The following UMODL1 variants were observed in gnomAD, a reference collection of about 807,000 sequenced individuals.
The protein encoded by UMODL1 is uromodulin-like 1.
UMODL1 carries 128 observed loss-of-function variants against 136.3 expected under a neutral mutation model. The ratio of observed to expected loss-of-function variants is 0.94; its 90% CI spans 0.81 to 1.09. UMODL1 has a LOEUF of 1.09. Ranked by LOEUF, UMODL1 falls within the 50% of genes least tolerant of loss-of-function variation. The probability of loss-of-function intolerance (pLI) is 0.00; values close to 1 mark genes in which losing one functional copy is unlikely to be tolerated. For synonymous variants in UMODL1, 721 were observed against 720.0 expected (o/e 1.00, Z -0.02); for missense variants, 1,766 against 1,725.6 (o/e 1.02, Z -0.41).
At chr21:42,088,594 A>G (rs79356221) in intron 5 of UMODL1, 114 bp downstream of exon 5, 4 of 1,117,828 alleles carry the variant, frequency 3.6e-6, no homozygotes, top group Non-Finnish European at 5.0e-6. Context: ...AAGGAGGTTT[A>G]AGTTCAGGAG....
chr21:42,129,512 G>C (rs1436863802), intron 20 of UMODL1, among the ~76,000 whole-genome samples: 1 of 152,098 alleles, frequency 6.6e-6, no homozygotes, highest in Non-Finnish European at 1.5e-5. Flanking sequence ...TGACGCCTGG[G>C]CCTGCCTCTT....
At chr21:42,114,075 C>T (rs943776644) in intron 13 of UMODL1, among the ~76,000 whole-genome samples, 2 of 152,250 alleles carry the variant, frequency 1.3e-5, no homozygotes, top group East Asian at 1.9e-4. Context: ...CCATAGACTG[C>T]GCCTGGAAGG....
chr21:42,131,761 A>C (rs993702691), intron 21 of UMODL1, among the ~76,000 whole-genome samples: 1 of 151,974 alleles, frequency 6.6e-6, no homozygotes, highest in African/African-American at 2.4e-5. Flanking sequence ...TACACACAGA[A>C]TCTCTAGAGT....
At chr21:42,096,514 C>G (rs767744595) in intron 6 of UMODL1, among the ~76,000 whole-genome samples, 1 of 152,222 alleles carries the variant, frequency 6.6e-6, no homozygotes, top group African/African-American at 2.4e-5. Flanking sequence ...CCTCTGCGTT[C>G]TTTTCAAATA....
intron 14 of UMODL1, 100 bp downstream of exon 14, chr21:42,116,085 A>T: frequency 1.1e-6 from 1 of 921,334 alleles, no homozygotes. Flanking sequence ...CTGTAATCCT[A>T]GCACTTTGGG....
At chr21:42,076,361 C>G in intron 2 of UMODL1, 114 bp downstream of exon 2, 1 of 1,507,130 alleles carries the variant, frequency 6.6e-7, no homozygotes, top group South Asian at 1.2e-5. Context: ...TCCAGGAGCA[C>G]GGCTCCCAGC....
chr21:42,085,218 T>G lies in UMODL1; in HGVS notation c.482-73T>G. On this transcript the variant is annotated intron_variant, in intron 3 of 22. Coordinates refer to ENST00000408910, the MANE Select transcript of UMODL1 (RefSeq NM_001004416.3). The surrounding 1 kb of genome is among the most constrained non-coding windows in gnomAD (Gnocchi z 4.5). ...GCCTCTGGTTCCCTCTCCTGCCCCCTCTCCCACCCCAGCAGCTTTTGTGAC... is the reference window on the plus strand; with the variant it reads ...GCCTCTGGTTCCCTCTCCTGCCCCCGCTCCCACCCCAGCAGCTTTTGTGAC... The G allele has an allele frequency of 6.4e-7, 1 of 1,563,972 alleles. No individual in the cohort carries two copies. Among genetic ancestry groups the G allele is most frequent in the Non-Finnish European group, 8.7e-7 (1 of 1,151,948 alleles).
chr21:42,129,911 TA>T, intron 21 of UMODL1, 114 bp downstream of exon 21: 1 of 758,046 alleles, frequency 1.3e-6, no homozygotes, highest in Non-Finnish European at 2.1e-6. Context: ...GAGAGACTTC[TA>T]AGAGGCTTAT....
rs767053030 is a variant in UMODL1, at chr21:42,088,383, A to G, written c.693A>G (p.Leu231=). ...GNASTTVSRL[L]LGLPRPLPVA... is the part of the protein sequence containing the mutation. Reference sequence around the variant, plus strand: ...CCTCCACCACAGTGTCGCGGCTGCTACTGGGCCTGCCACGGCCACTGCCTG... The same window carrying G: ...CCTCCACCACAGTGTCGCGGCTGCTGCTGGGCCTGCCACGGCCACTGCCTG... The change falls in exon 5 of 23, where the codon CTA becomes CTG. Residue 231 remains leucine (L), a synonymous_variant. Transcript: ENST00000408910. 1 of 1,613,678 alleles carries G rather than the reference A, an allele frequency of 6.2e-7. No homozygotes were observed. Among genetic ancestry groups the G allele is most frequent in the African/African-American group, 1.3e-5 (1 of 75,018 alleles).
At chr21:42,141,773 G>A (rs934464922) in intron 22 of UMODL1, among the ~76,000 whole-genome samples, 8 of 152,142 alleles carry the variant, frequency 5.3e-5, no homozygotes, top group Non-Finnish European at 1.0e-4. Context: ...AGTCCTGGTG[G>A]GTTCTCCACG....
At chr21:42,124,585 G>T (rs1442796568) in intron 17 of UMODL1, among the ~76,000 whole-genome samples, 1 of 152,144 alleles carries the variant, frequency 6.6e-6, no homozygotes, top group Non-Finnish European at 1.5e-5. Context: ...GGTGGGGTAT[G>T]AGGCCTGGTG....
chr21:42,083,940 G>A (rs1156517125), intron 2 of UMODL1, 144 bp from the exon 3 acceptor site: 2 of 1,001,952 alleles, frequency 2.0e-6, no homozygotes, highest in Non-Finnish European at 2.9e-6. Flanking sequence ...GTGGGTGTCT[G>A]CCCAGGCATG....
At chr21:42,111,897 G>A (rs1406945687) in intron 12 of UMODL1, among the ~76,000 whole-genome samples, 187 bp downstream of exon 12, 2 of 152,174 alleles carry the variant, frequency 1.3e-5, no homozygotes, top group Non-Finnish European at 2.9e-5. Flanking sequence ...TAGGAAGACA[G>A]CTTGGTCCCC....
chr21:42,106,328 CA>C (rs1381075955), intron 9 of UMODL1, among the ~76,000 whole-genome samples: 3 of 151,718 alleles, frequency 2.0e-5, no homozygotes, highest in African/African-American at 7.3e-5. Context: ...TATTACTCGG[CA>C]AAAAAAACAA....
chr21:42,123,553 ATG>A lies in UMODL1; in HGVS notation c.3147+410_3147+411del, dbSNP rs1220524418. Among the ~76,000 whole-genome samples, 1 of 151,454 alleles carries A rather than the reference ATG, an allele frequency of 6.6e-6. No individual in the cohort carries two copies. Among genetic ancestry groups the A allele is most frequent in the Non-Finnish European group, 1.5e-5 (1 of 67,886 alleles). On this transcript the variant is annotated intron_variant, in intron 17 of 22. Coordinates refer to ENST00000408910, the MANE Select transcript of UMODL1 (RefSeq NM_001004416.3). This position sits in a 1 kb window ranked among gnomAD's most constrained non-coding sequence, Gnocchi z 4.4. ...TATGTCTGTGTATGTGGGGGTGTGCATGTGTGTGAATGTGTGTAAATGTGTGA... is the reference window on the plus strand; with the variant it reads ...TATGTCTGTGTATGTGGGGGTGTGCATGTGTGAATGTGTGTAAATGTGTGA...
upstream of UMODL1, among the ~76,000 whole-genome samples, chr21:42,069,273 G>C (rs184603889): frequency 1.6e-3 from 86 of 54,926 alleles, no homozygotes; most frequent in African/African-American, 3.9e-3. Flanking sequence ...CACACAAACA[G>C]CAGGGGTATC....
chr21:42,127,474 C>A (rs2067075090), intron 19 of UMODL1, among the ~76,000 whole-genome samples, 198 bp from the exon 20 acceptor site: 1 of 152,238 alleles, frequency 6.6e-6, no homozygotes, highest in South Asian at 2.1e-4. Flanking sequence ...GTGGCCAGCT[C>A]TGGGCTCTGC....
Position 42,124,811 on chromosome 21 carries a change from G to C in UMODL1, c.3148-1534G>C, listed in dbSNP as rs74998381. ...CATTCTAAAAAAAGGGATTGGTTGG[G>C]GTGGTGCCCTGAAACCACCGTGGAC... is the stretch of plus-strand genomic sequence containing the variant. On this transcript the variant is annotated intron_variant, in intron 17 of 22. Coordinates refer to ENST00000408910, the MANE Select transcript of UMODL1 (RefSeq NM_001004416.3). Among the ~76,000 whole-genome samples, 1,508 of 152,242 alleles carry C rather than the reference G, an allele frequency of 9.9e-3. 21 individuals are homozygous for C. The highest frequency in any genetic ancestry group is 0.034 in the African/African-American group (1,432 of 41,534).
chr21:42,090,928 T>C (rs1442247309), intron 6 of UMODL1, among the ~76,000 whole-genome samples: 2 of 152,208 alleles, frequency 1.3e-5, no homozygotes, highest in African/African-American at 2.4e-5. Context: ...CTTGTTTATG[T>C]AAAATTAAAT....
Sources: gnomAD v4.1 joint callset for allele counts (sites outside exome capture counted in the v4.1 genomes callset) on GRCh38, gnomAD v4.1.1 for gene constraint, Gnocchi (gnomAD v3.1) non-coding constraint, MANE v1.5 for transcripts, NCBI Gene and HGNC (gene_info 2026-07-23, HGNC 2026-07-21) for gene names.